The following LRP1B variants were observed in gnomAD, a reference collection of about 807,000 sequenced individuals.
LRP1B encodes low-density lipoprotein receptor-related protein 1B.
In LRP1B, 217 loss-of-function variants were observed where a neutral mutation model predicts 556.6. The ratio of observed to expected loss-of-function variants is 0.39; its 90% CI spans 0.35 to 0.44. The LOEUF (loss-of-function observed/expected upper bound fraction) is 0.44. LRP1B is among the 20% of genes least tolerant of loss of function. The probability of loss-of-function intolerance (pLI) is 1.00; values close to 1 mark genes in which losing one functional copy is unlikely to be tolerated. For synonymous variants in LRP1B, 2,047 were observed against 1,865.8 expected, an observed-to-expected ratio of 1.10 and a Z score of -2.50; for missense variants, 5,053 against 5,620.8, an observed-to-expected ratio of 0.90 and a Z score of 3.23.
In LRP1B at chr2:140,582,396, G is replaced by A. The variant is rs1681804666; in HGVS notation, c.7194+16235C>T. Among the ~76,000 whole-genome samples, 3 of 152,168 alleles carry A rather than the reference G, an allele frequency of 2.0e-5. No individual in the cohort carries two copies. In the South Asian group the frequency reaches 6.2e-4, roughly 32 times the overall value. On this transcript the variant is annotated intron_variant, in intron 43 of 90. Transcript: ENST00000389484. ...CTCTTCTGATATGTCATTGACAAAT[G>A]TGCTCTTATTTCTGCCCAAAGCAGG...
In LRP1B at chr2:141,347,929, T is replaced by C. The variant is rs146468601; in HGVS notation, c.344-93288A>G. Among the ~76,000 whole-genome samples, 16 of 152,186 alleles carry C rather than the reference T, an allele frequency of 1.1e-4. No individual in the cohort carries two copies. The East Asian group carries it at 3.1e-3, about 29-fold the overall frequency. ...GAATGGAAATAATATTTAAAATATG[T>C]CTAAAACATTTCTTGAGAAAGTGAC... On this transcript the variant is annotated intron_variant, in intron 3 of 90. Transcript: ENST00000389484.
chr2:141,128,435 T>C lies in LRP1B; in HGVS notation c.1013+59986A>G, dbSNP rs557331926. On this transcript the variant is annotated intron_variant, in intron 7 of 90. Coordinates refer to ENST00000389484, the MANE Select transcript of LRP1B (RefSeq NM_018557.3). ...GATGTCACCCCAGTCAGGTCCTACA[T>C]AATCTGTTCCCTAGATTTATTTCTC... 3.9e-5 allele frequency among the ~76,000 whole-genome samples: 6 copies of C among 152,272 alleles called. No individual in the cohort carries two copies. In the South Asian group the frequency reaches 8.3e-4, roughly 21 times the overall value.
At chr2:141,117,632 G>A (rs1369122157) in intron 7 of LRP1B, among the ~76,000 whole-genome samples, 1 of 151,884 alleles carries the variant, frequency 6.6e-6, no homozygotes, top group African/African-American at 2.4e-5. Flanking sequence ...CTGATAATTG[G>A]GGTAAATAAT....
At chr2:141,025,397 A>G (rs76453044) in intron 11 of LRP1B, among the ~76,000 whole-genome samples, 2,447 of 152,226 alleles carry the variant, frequency 0.016, 72 homozygotes, top group African/African-American at 0.055. Context: ...GGTTAATTGT[A>G]TGAGTCAATT....
At chr2:141,422,328 G>C (rs1327286802) in intron 3 of LRP1B, among the ~76,000 whole-genome samples, 2 of 152,116 alleles carry the variant, frequency 1.3e-5, no homozygotes, top group East Asian at 1.9e-4. Flanking sequence ...AAGAAGAGGA[G>C]ATGTAAAGAA....
At chr2:140,337,938 G>A (rs772829964) in intron 77 of LRP1B, among the ~76,000 whole-genome samples, 1 of 151,604 alleles carries the variant, frequency 6.6e-6, no homozygotes, top group Non-Finnish European at 1.5e-5. Context: ...AATGTTCATA[G>A]AGCATTCAGA....
intron 83 of LRP1B, among the ~76,000 whole-genome samples, chr2:140,303,068 CAT>C (rs1387234453): frequency 7.1e-6 from 1 of 140,816 alleles, no homozygotes; most frequent in Non-Finnish European, 1.5e-5. Flanking sequence ...TACACACACA[CAT>C]ATATATCGGT....
chr2:141,876,010 G>T (rs1698746116), intron 1 of LRP1B, among the ~76,000 whole-genome samples: 1 of 151,878 alleles, frequency 6.6e-6, no homozygotes, highest in Non-Finnish European at 1.5e-5. Context: ...ACAGGAAGAA[G>T]TATACTTTAG....
chr2:140,944,003 T>C (rs1405375230), intron 20 of LRP1B, among the ~76,000 whole-genome samples: 1 of 151,930 alleles, frequency 6.6e-6, no homozygotes, highest in East Asian at 1.9e-4. Context: ...CTTGAAAGAA[T>C]AAACAAGATC....
intron 3 of LRP1B, among the ~76,000 whole-genome samples, chr2:141,378,809 G>A (rs1487180430): frequency 6.6e-6 from 1 of 152,132 alleles, no homozygotes; most frequent in Non-Finnish European, 1.5e-5. Context: ...CCAGTTAACT[G>A]AAATTATTCA....
chr2:142,017,337 A>C (rs1411855106), intron 1 of LRP1B, among the ~76,000 whole-genome samples: 1 of 152,180 alleles, frequency 6.6e-6, no homozygotes, highest in African/African-American at 2.4e-5. Context: ...GTTAGTGAGA[A>C]ATAAACCTTT....
At chr2:140,330,243 T>TAA in intron 79 of LRP1B, among the ~76,000 whole-genome samples, 1 of 117,494 alleles carries the variant, frequency 8.5e-6, no homozygotes, top group Non-Finnish European at 1.9e-5. Context: ...AATAATAATA[T>TAA]GGAGCCAAAA....
intron 2 of LRP1B, among the ~76,000 whole-genome samples, chr2:141,742,316 A>G (rs1214786548): frequency 1.3e-5 from 2 of 148,696 alleles, no homozygotes; most frequent in Admixed American, 6.8e-5. Context: ...TAGTGGTGCA[A>G]TCTCGACTCA....
intron 1 of LRP1B, among the ~76,000 whole-genome samples, chr2:142,030,649 T>G (rs935408295): frequency 6.6e-6 from 1 of 151,852 alleles, no homozygotes; most frequent in Non-Finnish European, 1.5e-5. Flanking sequence ...CAGCTAGTAA[T>G]GGCAGGAGAT....
At chr2:140,822,360 C>T (rs951378744) in intron 31 of LRP1B, among the ~76,000 whole-genome samples, 1 of 152,186 alleles carries the variant, frequency 6.6e-6, no homozygotes, top group Non-Finnish European at 1.5e-5. Context: ...GCTGCAATTA[C>T]TCAGTCTTTA....
intron 18 of LRP1B, among the ~76,000 whole-genome samples, chr2:140,977,809 GA>G (rs1471565177): frequency 6.6e-6 from 1 of 152,112 alleles, no homozygotes; most frequent in Non-Finnish European, 1.5e-5. Context: ...CATCATTAGG[GA>G]AGCATTAAAA....
intron 1 of LRP1B, among the ~76,000 whole-genome samples, chr2:142,108,613 T>C (rs1706845674): frequency 6.6e-6 from 1 of 152,200 alleles, no homozygotes; most frequent in South Asian, 2.1e-4. Context: ...AAATATAGGC[T>C]TCATGAAAAT....
chr2:140,655,143 G>T (rs1574199243), intron 41 of LRP1B, among the ~76,000 whole-genome samples: 1 of 151,968 alleles, frequency 6.6e-6, no homozygotes, highest in African/African-American at 2.4e-5. Flanking sequence ...TGCTCAACAT[G>T]TAATACATGC....
intron 3 of LRP1B, among the ~76,000 whole-genome samples, chr2:141,458,444 T>A (rs1379507364): frequency 6.6e-6 from 1 of 152,176 alleles, no homozygotes; most frequent in Non-Finnish European, 1.5e-5. Flanking sequence ...TTTAGCCTAG[T>A]GTCATTCTCT....
Sources: allele counts gnomAD v4.1 joint callset (sites outside exome capture counted in the v4.1 genomes callset), GRCh38; gene constraint gnomAD v4.1.1; transcripts MANE v1.5; gene names NCBI Gene and HGNC (gene_info 2026-07-23, HGNC 2026-07-21).